The following MTHFD2L variants were observed in gnomAD, a reference collection of about 807,000 sequenced individuals.
MTHFD2L encodes the protein bifunctional methylenetetrahydrofolate dehydrogenase/cyclohydrolase 2, mitochondrial.
A neutral mutation model predicts 34.9 loss-of-function variants in MTHFD2L; 29 were observed. That is an observed-to-expected ratio of 0.83 (90% CI 0.62 to 1.13). The LOEUF (loss-of-function observed/expected upper bound fraction) is 1.13, where lower values mean the gene tolerates loss of function less well. MTHFD2L is among the 50% of genes most tolerant of loss of function. MTHFD2L has a pLI of 0.00. For synonymous variants in MTHFD2L, 167 were observed against 155.7 expected, an observed-to-expected ratio of 1.07 and a Z score of -0.54; for missense variants, 481 against 446.5, an observed-to-expected ratio of 1.08 and a Z score of -0.70.
At chr4:74,130,011 A>G (rs914494365) in intron 1 of MTHFD2L, among the ~76,000 whole-genome samples, 1 of 152,180 alleles carries the variant, frequency 6.6e-6, no homozygotes, top group Admixed American at 6.6e-5. Context: ...TCCTGGACAC[A>G]TACACCCTCC....
chr4:74,129,745 G>A (rs1722336391), intron 1 of MTHFD2L, among the ~76,000 whole-genome samples: 1 of 151,908 alleles, frequency 6.6e-6, no homozygotes, highest in South Asian at 2.1e-4. Context: ...GAATAGAACT[G>A]AAGGAGACAG....
At chr4:74,234,264 A>G (rs570282202) in intron 6 of MTHFD2L, among the ~76,000 whole-genome samples, 1 of 152,078 alleles carries the variant, frequency 6.6e-6, no homozygotes, top group African/African-American at 2.4e-5. Flanking sequence ...AAATATACCC[A>G]AAAGTGTATA....
chr4:74,119,531 C>CCCAG (rs1381525309), upstream of MTHFD2L, among the ~76,000 whole-genome samples: 1 of 152,130 alleles, frequency 6.6e-6, no homozygotes, highest in Non-Finnish European at 1.5e-5. Context: ...TGCCTGTAAT[C>CCCAG]CCAGGACTTT....
intron 1 of MTHFD2L, among the ~76,000 whole-genome samples, chr4:74,174,096 A>G (rs1000676437): frequency 6.6e-6 from 1 of 152,128 alleles, no homozygotes; most frequent in Non-Finnish European, 1.5e-5. Flanking sequence ...TCTTCGTGCT[A>G]TGTCCTCACA....
chr4:74,190,393 T>A (rs1732262509), intron 3 of MTHFD2L: 1 of 816,522 alleles, frequency 1.2e-6, no homozygotes, highest in Non-Finnish European at 1.5e-6. Flanking sequence ...CATTAATTTT[T>A]ATTTTTTATT....
intron 6 of MTHFD2L, among the ~76,000 whole-genome samples, chr4:74,237,869 C>G (rs1354782842): frequency 6.6e-6 from 1 of 152,180 alleles, no homozygotes; most frequent in Non-Finnish European, 1.5e-5. Context: ...TGAGAAATTA[C>G]TGTCTTCAAT....
At chr4:74,231,176 T>TA (rs1166538591) in intron 6 of MTHFD2L, among the ~76,000 whole-genome samples, 2 of 152,174 alleles carry the variant, frequency 1.3e-5, no homozygotes, top group Admixed American at 1.3e-4. Context: ...TATTCATACT[T>TA]ACTTGTCATA....
chr4:74,249,299 G>A (rs2110194208), intron 6 of MTHFD2L, among the ~76,000 whole-genome samples: 1 of 151,766 alleles, frequency 6.6e-6, no homozygotes, highest in East Asian at 1.9e-4. Context: ...GACTAGGATT[G>A]CAACCCCTGC....
intron 6 of MTHFD2L, among the ~76,000 whole-genome samples, chr4:74,257,569 G>C (rs544618201): frequency 6.6e-6 from 1 of 152,240 alleles, no homozygotes; most frequent in South Asian, 2.1e-4. Flanking sequence ...GGATATAACA[G>C]TTATAACTAT....
intron 6 of MTHFD2L, among the ~76,000 whole-genome samples, chr4:74,235,806 T>A (rs1012686779): frequency 1.3e-5 from 2 of 152,178 alleles, no homozygotes; most frequent in African/African-American, 4.8e-5. Flanking sequence ...AACTGGTATT[T>A]TTATGAAGCT....
intron 3 of MTHFD2L, among the ~76,000 whole-genome samples, chr4:74,186,424 T>A (rs888581739): frequency 1.6e-5 from 1 of 63,758 alleles, no homozygotes; most frequent in Non-Finnish European, 3.4e-5. Context: ...CATGGAAAAT[T>A]CAAGGGAATC....
At chr4:74,250,671 A>G (rs138186624) in intron 6 of MTHFD2L, among the ~76,000 whole-genome samples, 123 of 152,280 alleles carry the variant, frequency 8.1e-4, no homozygotes, top group Non-Finnish European at 1.5e-3. Context: ...ACCTTTGCTA[A>G]TGATATTTTT....
At chr4:74,248,939 G>GA (rs1215966765) in intron 6 of MTHFD2L, among the ~76,000 whole-genome samples, 6 of 150,554 alleles carry the variant, frequency 4.0e-5, no homozygotes, top group East Asian at 1.9e-4. Context: ...GTGTGGTGCT[G>GA]AAAAAAATGT....
At chr4:74,247,530 G>T (rs1742655277) in intron 6 of MTHFD2L, among the ~76,000 whole-genome samples, 1 of 152,150 alleles carries the variant, frequency 6.6e-6, no homozygotes, top group Admixed American at 6.5e-5. Context: ...TATAGGAGTG[G>T]TGAGAGAGGG....
At chr4:74,293,339 A>T in intron 7 of MTHFD2L, 1 of 162,208 alleles carries the variant, frequency 6.2e-6, no homozygotes, top group Non-Finnish European at 1.3e-5. Context: ...ATGATGGTTT[A>T]CATCTATAAT....
chr4:74,231,235 T>C (rs1740003452), intron 6 of MTHFD2L, among the ~76,000 whole-genome samples: 1 of 152,160 alleles, frequency 6.6e-6, no homozygotes, highest in Non-Finnish European at 1.5e-5. Flanking sequence ...TCCAATCATA[T>C]TATCAAGTCT....
At chr4:74,254,989 G>A (rs1339228745) in intron 6 of MTHFD2L, among the ~76,000 whole-genome samples, 1 of 151,870 alleles carries the variant, frequency 6.6e-6, no homozygotes, top group African/African-American at 2.4e-5. Flanking sequence ...ACAAAAATTA[G>A]CCAAGCATGG....
At chr4:74,265,028 G>A (rs1291503950) in intron 6 of MTHFD2L, among the ~76,000 whole-genome samples, 3 of 152,014 alleles carry the variant, frequency 2.0e-5, no homozygotes, top group Non-Finnish European at 2.9e-5. Context: ...TTTATAACCC[G>A]TATTTCAAGT....
intron 3 of MTHFD2L, among the ~76,000 whole-genome samples, chr4:74,186,341 A>G (rs1224155810): frequency 6.7e-6 from 1 of 149,012 alleles, no homozygotes; most frequent in African/African-American, 2.4e-5. Flanking sequence ...CACTATTACC[A>G]TGTCTATTTA....
Sources: allele counts gnomAD v4.1 joint callset (sites outside exome capture counted in the v4.1 genomes callset), GRCh38; gene constraint gnomAD v4.1.1; transcripts MANE v1.5; gene names NCBI Gene and HGNC (gene_info 2026-07-23, HGNC 2026-07-21).